Variants in NCKAP5 observed in about 807,000 individuals in gnomAD.
The protein encoded by NCKAP5 is nck-associated protein 5.
In NCKAP5, 92 loss-of-function variants were observed where a neutral mutation model predicts 167.0. The observed-to-expected ratio is 0.55, with a 90% CI of 0.47 to 0.66. The LOEUF (loss-of-function observed/expected upper bound fraction) is 0.66, where lower values mean the gene tolerates loss of function less well. NCKAP5 is among the 30% of genes least tolerant of loss of function. The pLI is 0.00. For missense variants in NCKAP5, 2,378 were observed against 2,315.0 expected (o/e 1.03, Z -0.56); for synonymous variants, 891 against 877.4 (o/e 1.02, Z -0.27).
chr2:133,478,248 G>A (rs531245430), intron 3 of NCKAP5, among the ~76,000 whole-genome samples: 57 of 152,336 alleles, frequency 3.7e-4, no homozygotes, highest in Admixed American at 1.1e-3. Context: ...ACTGACAGCA[G>A]CAGTGACTTT....
At chr2:133,278,719 A>T (rs977108927) in intron 4 of NCKAP5, among the ~76,000 whole-genome samples, 1 of 151,982 alleles carries the variant, frequency 6.6e-6, no homozygotes, top group African/African-American at 2.4e-5. Flanking sequence ...AAGACGTCTG[A>T]CAAAATGGGA....
intron 5 of NCKAP5, among the ~76,000 whole-genome samples, chr2:133,204,701 G>A (rs2150135895): frequency 6.6e-6 from 1 of 152,216 alleles, no homozygotes; most frequent in East Asian, 1.9e-4. Context: ...AAGTTTACTG[G>A]GAAACAGAAA....
rs768793490 is a variant in NCKAP5 at position 133,498,142 on chromosome 2, G to A, written c.69+19316C>T. On this transcript the variant is annotated intron_variant, in intron 3 of 19. Coordinates refer to ENST00000409261, the MANE Select transcript of NCKAP5 (RefSeq NM_207363.3). ...AGATATCCATAAGGAACATATGCCC[G>A]ACATTTGTGGCTGTTTTTGTAAAAG... is the stretch of plus-strand genomic sequence containing the variant. Among the ~76,000 whole-genome samples, 8 of 152,176 alleles carry A rather than the reference G, an allele frequency of 5.3e-5. No homozygotes were observed. The East Asian group carries it at 1.2e-3, about 22-fold the overall frequency.
At chr2:133,000,777 C>A (rs2077751358) in intron 6 of NCKAP5, among the ~76,000 whole-genome samples, 1 of 152,098 alleles carries the variant, frequency 6.6e-6, no homozygotes, top group Non-Finnish European at 1.5e-5. Context: ...TATGCATTTC[C>A]TGCAGTGGAA....
Position 132,784,677 on chromosome 2 carries a change from G to T in NCKAP5, c.2134C>A (p.Leu712Ile), listed in dbSNP as rs1683391985. 4 of 1,613,958 alleles carry T rather than the reference G, an allele frequency of 2.5e-6. No homozygotes were observed. Among genetic ancestry groups the T allele is most frequent in the Middle Eastern group, 1.6e-4 (1 of 6,062 alleles). The change falls in exon 14 of 20, where the codon CTT becomes ATT. Residue 712 changes from leucine (L) to isoleucine (I), a missense_variant. This residue lies in a region of NCKAP5 where 1,049 missense variants were observed against 1,023.4 expected (regional missense o/e 1.02). Transcript: ENST00000409261. ...AAACAAGCAATTCCCTGAGGTAAAAGCTCAGTATGTTCTGCCTTGGGTCCA... is the reference window on the plus strand; with the variant it reads ...AAACAAGCAATTCCCTGAGGTAAAATCTCAGTATGTTCTGCCTTGGGTCCA... ...PAGPKAEHTE[L>I]LPQGIACLQP...
chr2:133,410,635 G>T (rs941176448), intron 3 of NCKAP5, among the ~76,000 whole-genome samples: 2 of 152,100 alleles, frequency 1.3e-5, no homozygotes, highest in Non-Finnish European at 2.9e-5. Flanking sequence ...CTGCAGCATC[G>T]CAGGGAGCTT....
intron 12 of NCKAP5, 101 bp downstream of exon 12, chr2:132,796,527 A>C (rs1684620174): frequency 2.9e-6 from 2 of 680,354 alleles, no homozygotes; most frequent in South Asian, 4.4e-5. Flanking sequence ...CTGCCTGACA[A>C]TGCTTCAAGG....
intron 4 of NCKAP5, among the ~76,000 whole-genome samples, chr2:133,268,684 G>T (rs2089364567): frequency 6.6e-6 from 1 of 151,924 alleles, no homozygotes; most frequent in South Asian, 2.1e-4. Context: ...GGGTTTCACC[G>T]TGGTCTCGAT....
At position 133,249,435 on chromosome 2, in the gene NCKAP5, A is replaced by C. The variant is rs111668760; in HGVS notation, c.144-35656T>G. 3.1e-3 allele frequency among the ~76,000 whole-genome samples: 465 copies of C among 152,346 alleles called. 2 individuals carry two copies. Among genetic ancestry groups the C allele is most frequent in the African/African-American group, 9.8e-3 (408 of 41,562 alleles). On this transcript the variant is annotated intron_variant, in intron 4 of 19. Transcript: ENST00000409261. Reference sequence around the variant, plus strand: ...CCTCCAAAATGAATGGAACCCTGCCAACAGCTTGATTTTAGCACTTTTGAC... The same window carrying C: ...CCTCCAAAATGAATGGAACCCTGCCCACAGCTTGATTTTAGCACTTTTGAC...
intron 4 of NCKAP5, among the ~76,000 whole-genome samples, chr2:133,227,599 T>C (rs1212629275): frequency 6.6e-6 from 1 of 152,166 alleles, no homozygotes; most frequent in Non-Finnish European, 1.5e-5. Flanking sequence ...GCACTATAAA[T>C]TTACTGACTT....
chr2:133,511,450 C>T (rs757310916), intron 3 of NCKAP5, among the ~76,000 whole-genome samples: 18 of 152,188 alleles, frequency 1.2e-4, no homozygotes, highest in Admixed American at 9.8e-4. Context: ...GGGCTGAGCT[C>T]GGCTGGTGGA....
intron 6 of NCKAP5, among the ~76,000 whole-genome samples, chr2:133,024,977 A>C (rs1284119958): frequency 6.6e-6 from 1 of 152,222 alleles, no homozygotes; most frequent in Non-Finnish European, 1.5e-5. Context: ...GGATCTGAAA[A>C]GATAACCAAG....
At chr2:133,014,344 A>G (rs2078263200) in intron 6 of NCKAP5, among the ~76,000 whole-genome samples, 1 of 152,192 alleles carries the variant, frequency 6.6e-6, no homozygotes, top group Non-Finnish European at 1.5e-5. Flanking sequence ...TCCCTCGTAG[A>G]ATGTGACTCC....
At position 132,781,364 on chromosome 2, in the gene NCKAP5, T is replaced by C. The variant is rs1683017153; in HGVS notation, c.4872-135A>G. On this transcript the variant is annotated intron_variant, in intron 14 of 19. Transcript: ENST00000409261. The stretch of plus-strand genomic sequence containing the variant: ...TTTAAACCTTTGACGGATAAGGGTT[T>C]CTCATGGGCCTTGATCAAATCTTCA... 6.9e-6 allele frequency: 5 copies of C among 728,606 alleles called. No homozygotes were observed. The South Asian group carries it at 1.2e-4, about 17-fold the overall frequency. The allele number at this position is 728,606 out of a possible 1,614,324, so 45.1% of individuals were successfully genotyped here. A position where few individuals can be genotyped will look rare whatever the true frequency, so the allele number is the denominator to read the frequency against.
intron 3 of NCKAP5, among the ~76,000 whole-genome samples, chr2:133,402,249 C>A (rs972538135): frequency 4.6e-5 from 7 of 152,212 alleles, no homozygotes; most frequent in African/African-American, 1.7e-4. Context: ...CTGATGGTAC[C>A]AAACACAGAT....
intron 16 of NCKAP5, among the ~76,000 whole-genome samples, chr2:132,769,980 T>C (rs139476239): frequency 1.8e-4 from 27 of 152,342 alleles, no homozygotes; most frequent in African/African-American, 6.5e-4. Flanking sequence ...TTAACATAGC[T>C]TTGTCTCAAT....
In NCKAP5 at chr2:133,213,717, A is replaced by G. The variant is rs756798119; in HGVS notation, c.206T>C (p.Met69Thr). 140 of 1,613,540 alleles carry G rather than the reference A, an allele frequency of 8.7e-5. No homozygotes were observed. Among genetic ancestry groups the G allele is most frequent in the Middle Eastern group, 1.6e-4 (1 of 6,084 alleles). Residue 69 changes from methionine to threonine, a missense_variant and splice_region_variant, in exon 5 of 20, where the codon ATG (methionine) becomes ACG (threonine). Transcript: ENST00000409261. ...EVAQRTSEGA[M>T]HEKLIHELEE... ...GAGGGGACGGCAGTCAGGACTTACC[A>G]TGGCCCCCTCACTTGTTCTTTGGGC... is the stretch of plus-strand genomic sequence containing the variant.
At chr2:133,597,150 C>T in the NCKAP5 span, among the ~76,000 whole-genome samples, 36 of 152,284 alleles carry the variant, frequency 2.4e-4, no homozygotes, top group South Asian at 6.4e-3. Context: ...ATCTGTGGAG[C>T]GGAGCCACAG....
At chr2:133,456,724 T>G (rs1172482626) in intron 3 of NCKAP5, among the ~76,000 whole-genome samples, 1 of 152,214 alleles carries the variant, frequency 6.6e-6, no homozygotes, top group Non-Finnish European at 1.5e-5. Flanking sequence ...TTTCCATTAG[T>G]AACAATTAGT....
Sources: allele counts gnomAD v4.1 joint callset (sites outside exome capture counted in the v4.1 genomes callset), GRCh38; gene constraint gnomAD v4.1.1; regional missense constraint gnomAD v4.1.1; transcripts MANE v1.5; gene names NCBI Gene and HGNC (gene_info 2026-07-23, HGNC 2026-07-21).